ATP8A1: variants seen among roughly 807,000 people sequenced by gnomAD.
ATP8A1 encodes phospholipid-transporting ATPase IA.
A neutral mutation model predicts 177.7 loss-of-function variants in ATP8A1; 90 were observed. That is an observed-to-expected ratio of 0.51 (90% CI 0.43 to 0.60). The LOEUF (loss-of-function observed/expected upper bound fraction) is 0.60, where lower values mean the gene tolerates loss of function less well. Ranked by LOEUF, ATP8A1 falls within the 20% of genes least tolerant of loss-of-function variation. The probability of loss-of-function intolerance (pLI) is 0.00; values close to 1 mark genes in which losing one functional copy is unlikely to be tolerated. For synonymous variants in ATP8A1, 493 were observed against 485.9 expected, an observed-to-expected ratio of 1.01 and a Z score of -0.19; for missense variants, 1,072 against 1,392.8, an observed-to-expected ratio of 0.77 and a Z score of 3.67.
intron 25 of ATP8A1, chr4:42,472,096 C>A: frequency 1.4e-6 from 1 of 705,784 alleles, no homozygotes; most frequent in Non-Finnish European, 2.7e-6. Flanking sequence ...GTCTTTATTG[C>A]TCAGAGGAGA....
At chr4:42,437,325 C>T (rs1325821317) in intron 33 of ATP8A1, among the ~76,000 whole-genome samples, 1 of 152,112 alleles carries the variant, frequency 6.6e-6, no homozygotes, top group Non-Finnish European at 1.5e-5. Flanking sequence ...ATCATTTAGA[C>T]GAGTCGGAAA....
chr4:42,485,564 G>A lies in ATP8A1; in HGVS notation c.2256C>T (p.Ala752=), dbSNP rs1477419322. Reference sequence around the variant, plus strand: ...AATACTGTCGTACTCCAAAGGTTAAGGCATATTTGAGGGTTTTCCCATCAA... The same window carrying A: ...AATACTGTCGTACTCCAAAGGTTAAAGCATATTTGAGGGTTTTCCCATCAA... ...LIIDGKTLKY[A]LTFGVRQYFL... The change falls in exon 25 of 37, where the codon GCC becomes GCT. Residue 752 remains alanine, a synonymous_variant. Transcript: ENST00000381668. 6.2e-7 allele frequency: 1 copy of A among 1,613,660 alleles called. No homozygotes were observed. Among genetic ancestry groups the A allele is most frequent in the African/African-American group, 1.3e-5 (1 of 74,898 alleles).
At chr4:42,654,393 A>C (rs1262804985) in intron 1 of ATP8A1, among the ~76,000 whole-genome samples, 2 of 152,174 alleles carry the variant, frequency 1.3e-5, no homozygotes, top group Non-Finnish European at 2.9e-5. Flanking sequence ...AGGGAACAGA[A>C]ACCCATTCAA....
intron 5 of ATP8A1, among the ~76,000 whole-genome samples, chr4:42,603,042 A>T (rs1735456113): frequency 6.6e-6 from 1 of 152,086 alleles, no homozygotes; most frequent in Admixed American, 6.5e-5. Flanking sequence ...TAATTATCCC[A>T]ATAGTAATAC....
chr4:42,479,824 G>A (rs1012366308), intron 25 of ATP8A1, among the ~76,000 whole-genome samples: 2 of 152,178 alleles, frequency 1.3e-5, no homozygotes, highest in African/African-American at 2.4e-5. Context: ...ATCTTTGGGA[G>A]GCTCCTCAAC....
chr4:42,515,270 T>G (rs1347124574), intron 22 of ATP8A1, among the ~76,000 whole-genome samples: 3 of 152,232 alleles, frequency 2.0e-5, no homozygotes, highest in African/African-American at 7.2e-5. Flanking sequence ...CATGTAAATT[T>G]TCATTTCATT....
intron 35 of ATP8A1, among the ~76,000 whole-genome samples, chr4:42,421,167 G>T (rs1713880598): frequency 6.6e-6 from 1 of 152,110 alleles, no homozygotes; most frequent in South Asian, 2.1e-4. Flanking sequence ...TTTCCTATGA[G>T]GAATCCTGTG....
chr4:42,455,579 A>G lies in ATP8A1; in HGVS notation c.2640T>C (p.Asn880=). ...CAAAGAGGATCTGTCCAGAAAAGCC[A>G]TTAACAAAGGCAAACCAGATCTAGG... ...YIIEIWFAFV[N]GFSGQILFER... The change falls in exon 28 of 37, where the codon AAT becomes AAC. Residue 880 remains asparagine, a synonymous_variant. Transcript: ENST00000381668. 6.2e-7 allele frequency: 1 copy of G among 1,613,614 alleles called. No homozygotes were observed. The highest frequency in any genetic ancestry group is 8.5e-7 in the Non-Finnish European group (1 of 1,179,748).
At chr4:42,413,407 A>T (rs1712846608) in intron 36 of ATP8A1, among the ~76,000 whole-genome samples, 1 of 152,186 alleles carries the variant, frequency 6.6e-6, no homozygotes, top group African/African-American at 2.4e-5. Flanking sequence ...AGGAAAAGTG[A>T]TATGTAGGTG....
intron 23 of ATP8A1, among the ~76,000 whole-genome samples, chr4:42,506,599 C>A (rs777893772): frequency 2.7e-4 from 41 of 152,182 alleles, no homozygotes; most frequent in Admixed American, 1.3e-4. Flanking sequence ...TCTTGAACTT[C>A]CAGCTTCTAG....
chr4:42,423,742 CA>C, intron 33 of ATP8A1, 37 bp from the exon 34 acceptor site: 1 of 1,332,958 alleles, frequency 7.5e-7, no homozygotes, highest in South Asian at 1.3e-5. Flanking sequence ...ACTTTAAAAC[CA>C]AAAAATACAT....
intron 24 of ATP8A1, among the ~76,000 whole-genome samples, chr4:42,489,367 C>T (rs1722520233): frequency 1.3e-5 from 2 of 152,182 alleles, no homozygotes; most frequent in African/African-American, 2.4e-5. Flanking sequence ...AAGGCATTCT[C>T]TAACACCTTA....
intron 22 of ATP8A1, among the ~76,000 whole-genome samples, chr4:42,521,302 A>G (rs1028819634): frequency 1.3e-5 from 2 of 152,152 alleles, no homozygotes; most frequent in African/African-American, 4.8e-5. Flanking sequence ...GGCTCCCCCT[A>G]TTAGAAGCTG....
intron 13 of ATP8A1, 75 bp from the exon 14 acceptor site, chr4:42,574,782 C>T: frequency 4.0e-6 from 4 of 988,636 alleles, no homozygotes; most frequent in Admixed American, 2.7e-5. Flanking sequence ...ACCCCTCATG[C>T]TTTTTATTAA....
At chr4:42,618,491 T>A (rs537458743) in intron 4 of ATP8A1, among the ~76,000 whole-genome samples, 1 of 152,326 alleles carries the variant, frequency 6.6e-6, no homozygotes, top group Admixed American at 6.5e-5. Flanking sequence ...GACCTTAATC[T>A]CCAAGACCTG....
intron 8 of ATP8A1, among the ~76,000 whole-genome samples, 191 bp from the exon 9 acceptor site, chr4:42,586,667 G>A (rs1028210552): frequency 4.6e-5 from 7 of 152,098 alleles, no homozygotes; most frequent in African/African-American, 1.2e-4. Context: ...GGTTTTTAGC[G>A]CAAGAATAGG....
At chr4:42,631,048 G>A (rs1738676779) in intron 1 of ATP8A1, among the ~76,000 whole-genome samples, 1 of 152,146 alleles carries the variant, frequency 6.6e-6, no homozygotes, top group Non-Finnish European at 1.5e-5. Flanking sequence ...TATACTTAAA[G>A]AGCTAACAGG....
At chr4:42,527,831 T>C (rs1387493896) in intron 20 of ATP8A1, among the ~76,000 whole-genome samples, 3 of 152,156 alleles carry the variant, frequency 2.0e-5, no homozygotes, top group African/African-American at 7.2e-5. Flanking sequence ...TGAGCCAGTT[T>C]ATAGACCCAG....
Position 42,499,869 on chromosome 4 carries a change from T to G in ATP8A1, c.2151+3581A>C, listed in dbSNP as rs1227577408. ...TAGTGCTTAGCTCACATTCTAGATG[T>G]TTCCAGATTTAACAGACAGACTTTA... On this transcript the variant is annotated intron_variant, in intron 24 of 36. Coordinates refer to ENST00000381668, the MANE Select transcript of ATP8A1 (RefSeq NM_006095.2). 2.0e-5 allele frequency among the ~76,000 whole-genome samples: 3 copies of G among 152,306 alleles called. No homozygotes were observed. In the East Asian group the frequency reaches 5.8e-4, roughly 29 times the overall value.
Sources: allele counts gnomAD v4.1 joint callset (sites outside exome capture counted in the v4.1 genomes callset), GRCh38; gene constraint gnomAD v4.1.1; transcripts MANE v1.5; gene names NCBI Gene and HGNC (gene_info 2026-07-23, HGNC 2026-07-21).